Variants in CADPS observed in about 807,000 individuals in gnomAD.
CADPS encodes the protein calcium dependent secretion activator, also known as calcium-dependent secretion activator 1.
A neutral mutation model predicts 167.3 loss-of-function variants in CADPS; 57 were observed. That is an observed-to-expected ratio of 0.34 (90% CI 0.28 to 0.42). CADPS has a LOEUF of 0.42. Among genes scored for constraint, CADPS ranks in the 20% least tolerant of loss-of-function variants. CADPS has a pLI of 1.00. For missense variants in CADPS, 1,414 were observed against 1,738.1 expected, an observed-to-expected ratio of 0.81 and a Z score of 3.32; for synonymous variants, 676 against 635.3, an observed-to-expected ratio of 1.06 and a Z score of -0.96.
In CADPS at chr3:62,684,625, C is replaced by T. The variant is rs76744624; in HGVS notation, c.889-22231G>A. Among the ~76,000 whole-genome samples, 33 of 152,164 alleles carry T rather than the reference C, an allele frequency of 2.2e-4. No homozygotes were observed. The East Asian group carries it at 6.0e-3, about 28-fold the overall frequency. ...ACCCAAGATTCAACTAAACATCCTT[C>T]TCTTCATTTTCCTTTGTAAAAATAT... On this transcript the variant is annotated intron_variant, in intron 3 of 29. Transcript: ENST00000383710.
chr3:62,470,226 C>T (rs749993503), intron 24 of CADPS, among the ~76,000 whole-genome samples: 4 of 152,234 alleles, frequency 2.6e-5, no homozygotes, highest in East Asian at 1.9e-4. Context: ...ATCCAGGATG[C>T]GATCTTAAAA....
At chr3:62,629,627 G>C (rs1453246857) in intron 6 of CADPS, among the ~76,000 whole-genome samples, 1 of 152,166 alleles carries the variant, frequency 6.6e-6, no homozygotes, top group Admixed American at 6.5e-5. Flanking sequence ...CTTTGTATAA[G>C]ACTCTCTGAG....
Position 62,499,383 on chromosome 3 carries a change from A to G in CADPS, c.2600-115T>C. On this transcript the variant is annotated intron_variant, in intron 17 of 29. Transcript: ENST00000383710. ...GTTATCAGTTTTTTAAAAAAAATTC[A>G]TGCAAATGTTAAGTGCCATGTAATT... 4.4e-6 allele frequency: 3 copies of G among 687,496 alleles called. No homozygotes were observed. In the South Asian group the frequency reaches 5.0e-5, roughly 11 times the overall value. The allele number at this position is 687,496 out of a possible 1,614,324, so 42.6% of individuals were successfully genotyped here.
chr3:62,648,967 C>A (rs1313102177), intron 5 of CADPS, among the ~76,000 whole-genome samples: 1 of 152,192 alleles, frequency 6.6e-6, no homozygotes, highest in African/African-American at 2.4e-5. Flanking sequence ...CCTCTTCCAA[C>A]TGCACAATAC....
At chr3:62,732,154 CT>C (rs1474417611) in intron 3 of CADPS, among the ~76,000 whole-genome samples, 1 of 152,138 alleles carries the variant, frequency 6.6e-6, no homozygotes, top group Non-Finnish European at 1.5e-5. Flanking sequence ...TATTCATGCC[CT>C]TGTGTAACCT....
intron 8 of CADPS, among the ~76,000 whole-genome samples, chr3:62,583,757 G>A (rs1414562638): frequency 8.9e-6 from 1 of 112,970 alleles, no homozygotes; most frequent in Non-Finnish European, 1.8e-5. Context: ...GTAGGTCTTT[G>A]TTTTTCTCTG....
At chr3:62,589,420 C>A (rs2085423166) in intron 7 of CADPS, among the ~76,000 whole-genome samples, 1 of 152,244 alleles carries the variant, frequency 6.6e-6, no homozygotes, top group South Asian at 2.1e-4. Context: ...AGAGAATGAA[C>A]CATTATGAAA....
chr3:62,688,819 TA>T (rs1338493299), intron 3 of CADPS, among the ~76,000 whole-genome samples: 3 of 151,966 alleles, frequency 2.0e-5, no homozygotes, highest in South Asian at 4.2e-4. Flanking sequence ...CAATGGATCA[TA>T]AAGCCCTCAG....
At chr3:62,700,098 C>T (rs2081119297) in intron 3 of CADPS, among the ~76,000 whole-genome samples, 1 of 152,116 alleles carries the variant, frequency 6.6e-6, no homozygotes, top group Non-Finnish European at 1.5e-5. Context: ...AGATTCCTAT[C>T]TGATAAATTA....
At chr3:62,537,817 C>T (rs1467870097) in intron 11 of CADPS, among the ~76,000 whole-genome samples, 1 of 151,668 alleles carries the variant, frequency 6.6e-6, no homozygotes, top group Admixed American at 6.6e-5. Flanking sequence ...GATGATTTCT[C>T]CTATTATTAT....
intron 3 of CADPS, among the ~76,000 whole-genome samples, chr3:62,706,534 A>T (rs373933752): frequency 7.9e-4 from 120 of 152,202 alleles, no homozygotes; most frequent in African/African-American, 2.8e-3. Flanking sequence ...TTGTCTCCCA[A>T]TACTGGGCTG....
intron 9 of CADPS, among the ~76,000 whole-genome samples, chr3:62,566,426 C>CA (rs34314386): frequency 0.88 from 132,936 of 151,846 alleles, 59,890 homozygotes; most frequent in Non-Finnish European, 0.97. Context: ...TCCTTTCCTT[C>CA]AGCAACCTGA....
chr3:62,444,131 A>T (rs2056827658), intron 27 of CADPS, among the ~76,000 whole-genome samples: 1 of 152,158 alleles, frequency 6.6e-6, no homozygotes, highest in South Asian at 2.1e-4. Context: ...ACCTGTTCAA[A>T]CCTGGCTGAG....
Position 62,731,805 on chromosome 3 carries a change from C to CAAAAAAAAAAAAAA in CADPS, c.888+21622_888+21635dup, listed in dbSNP as rs1212456893. ...CCTGGTGAAAGAAACTGATCATATG[C>CAAAAAAAAAAAAAA]AAAAAAAAAAAAAAAAAAAAAAAAA... On this transcript the variant is annotated intron_variant, in intron 3 of 29. Coordinates refer to ENST00000383710, the MANE Select transcript of CADPS (RefSeq NM_003716.4). Among the ~76,000 whole-genome samples the CAAAAAAAAAAAAAA allele has an allele frequency of 2.7e-3, 74 of 27,140 alleles. 2 individuals carry two copies. The highest frequency in any genetic ancestry group is 4.3e-3 in the Non-Finnish European group (67 of 15,716). 17.8% of individuals were successfully genotyped at this position (27,140 alleles called of 152,430 possible). A position where few individuals can be genotyped will look rare whatever the true frequency, so the allele number is the denominator to read the frequency against.
intron 9 of CADPS, among the ~76,000 whole-genome samples, chr3:62,559,794 G>A (rs1392385943): frequency 4.0e-5 from 6 of 151,668 alleles, no homozygotes; most frequent in Admixed American, 3.3e-4. Flanking sequence ...ATGCCCAGCC[G>A]GATTTTTTTT....
At chr3:62,745,843 T>C (rs754608245) in intron 3 of CADPS, among the ~76,000 whole-genome samples, 1 of 152,244 alleles carries the variant, frequency 6.6e-6, no homozygotes, top group Non-Finnish European at 1.5e-5. Flanking sequence ...GTGCTAAGTG[T>C]TGGCTGTATA....
At chr3:62,540,215 C>T (rs2075457339) in intron 11 of CADPS, among the ~76,000 whole-genome samples, 1 of 152,018 alleles carries the variant, frequency 6.6e-6, no homozygotes, top group African/African-American at 2.4e-5. Context: ...AGCTGGGAGT[C>T]CTTCCCTATC....
intron 6 of CADPS, among the ~76,000 whole-genome samples, chr3:62,603,423 C>T (rs2060246751): frequency 6.6e-6 from 1 of 152,220 alleles, no homozygotes; most frequent in Non-Finnish European, 1.5e-5. Context: ...TTGTTTAGCT[C>T]AGTGCTCAGT....
chr3:62,769,256 C>T (rs1212362471), intron 1 of CADPS, among the ~76,000 whole-genome samples: 1 of 149,682 alleles, frequency 6.7e-6, no homozygotes, highest in African/African-American at 2.5e-5. Flanking sequence ...AACAAAAAAA[C>T]AGAGTCTCAC....
Sources: gnomAD v4.1 joint callset for allele counts (sites outside exome capture counted in the v4.1 genomes callset) on GRCh38, gnomAD v4.1.1 for gene constraint, MANE v1.5 for transcripts, NCBI Gene and HGNC (gene_info 2026-07-23, HGNC 2026-07-21) for gene names.